KATNIP: variants seen among roughly 807,000 people sequenced by gnomAD.
KATNIP encodes the protein katanin interacting protein, also known as katanin-interacting protein.
KATNIP carries 126 observed loss-of-function variants against 174.0 expected under a neutral mutation model. The ratio of observed to expected loss-of-function variants is 0.72; its 90% CI spans 0.63 to 0.84. The LOEUF is 0.84. Among genes scored for constraint, KATNIP ranks in the 40% least tolerant of loss-of-function variants. KATNIP has a pLI of 0.00. For synonymous variants in KATNIP, 810 were observed against 835.7 expected (o/e 0.97, Z 0.53); for missense variants, 1,958 against 2,109.7 (o/e 0.93, Z 1.41).
intron 27 of KATNIP, among the ~76,000 whole-genome samples, chr16:27,778,180 C>G (rs567025712): frequency 1.3e-5 from 2 of 152,178 alleles, no homozygotes; most frequent in Non-Finnish European, 2.9e-5. Flanking sequence ...GCACCTGTAA[C>G]ACAGTGGAGC....
intron 13 of KATNIP, among the ~76,000 whole-genome samples, chr16:27,719,017 T>G (rs1426194535): frequency 1.3e-5 from 2 of 152,138 alleles, no homozygotes; most frequent in Non-Finnish European, 2.9e-5. Context: ...ACGGGGAGTC[T>G]GTTGAGATGT....
chr16:27,664,853 T>C (rs1230322973), intron 6 of KATNIP, among the ~76,000 whole-genome samples: 1 of 152,176 alleles, frequency 6.6e-6, no homozygotes, highest in African/African-American at 2.4e-5. Context: ...AAAACTTCCA[T>C]AGAAGGAGCA....
rs73517326 is a variant in KATNIP at position 27,738,952 on chromosome 16, A to C, written c.1744-1089A>C. ...CAGTGGATAAATGTCCCAGTCTTGG[A>C]GAGACATTTGCGACATGCATTTAAG... On this transcript the variant is annotated intron_variant, in intron 14 of 27. Coordinates refer to ENST00000261588, the MANE Select transcript of KATNIP (RefSeq NM_015202.5). Among the ~76,000 whole-genome samples, 1,429 of 152,252 alleles carry C rather than the reference A, an allele frequency of 9.4e-3. 22 individuals are homozygous for C. Among genetic ancestry groups the C allele is most frequent in the African/African-American group, 0.033 (1,369 of 41,532 alleles).
At chr16:27,684,637 C>G (rs1163159978) in intron 8 of KATNIP, among the ~76,000 whole-genome samples, 1 of 152,250 alleles carries the variant, frequency 6.6e-6, no homozygotes, top group African/African-American at 2.4e-5. Context: ...TCTCACAGTT[C>G]TCAAGGCTCC....
chr16:27,649,080 A>C (rs750150889), intron 6 of KATNIP, among the ~76,000 whole-genome samples: 4 of 152,214 alleles, frequency 2.6e-5, no homozygotes, highest in Admixed American at 6.5e-5. Flanking sequence ...AGAGGGAGTG[A>C]CTTTTGTCCT....
In KATNIP at chr16:27,766,399, C is replaced by A; in HGVS notation, c.3900C>A (p.Arg1300=). ...SPGLDHVVTI[R]LDRAESIAGL... ...GGCTGGACCATGTGGTCACGATCCG[C>A]CTGGACAGGGCCGAAAGCATCGCAG... The change falls in exon 20 of 28, where the codon CGC becomes CGA. Residue 1300 remains arginine (R), a synonymous_variant. Transcript: ENST00000261588. The A allele has an allele frequency of 1.2e-6, 2 of 1,614,174 alleles. No individual in the cohort carries two copies. Among genetic ancestry groups the A allele is most frequent in the Non-Finnish European group, 8.5e-7 (1 of 1,180,026 alleles).
intron 18 of KATNIP, among the ~76,000 whole-genome samples, chr16:27,760,781 C>A (rs527569009): frequency 6.6e-6 from 1 of 152,086 alleles, no homozygotes; most frequent in Admixed American, 6.5e-5. Context: ...CAAGATCACG[C>A]GATTACAGCA....
At chr16:27,762,484 C>T (rs1597399450) in intron 19 of KATNIP, among the ~76,000 whole-genome samples, 2 of 152,066 alleles carry the variant, frequency 1.3e-5, no homozygotes, top group East Asian at 3.9e-4. Flanking sequence ...ATGCAGAGGC[C>T]ACCTAGACTA....
Position 27,637,286 on chromosome 16 carries a change from G to A in KATNIP, c.408+6124G>A, listed in dbSNP as rs545253409. Among the ~76,000 whole-genome samples, 4 of 152,116 alleles carry A rather than the reference G, an allele frequency of 2.6e-5. No individual in the cohort carries two copies. Among genetic ancestry groups the A allele is most frequent in the Non-Finnish European group, 5.9e-5 (4 of 68,030 alleles). On this transcript the variant is annotated intron_variant, in intron 5 of 27. Transcript: ENST00000261588. This position sits in a 1 kb window ranked among gnomAD's most constrained non-coding sequence, Gnocchi z 4.7. The stretch of plus-strand genomic sequence containing the variant: ...ACTCATACTTTACTTCTTTCATTCC[G>A]TGCTCATGTATTGAGCACATACTCA...
At chr16:27,612,774 A>C (rs187506257) in intron 2 of KATNIP, among the ~76,000 whole-genome samples, 1 of 151,880 alleles carries the variant, frequency 6.6e-6, no homozygotes, top group African/African-American at 2.4e-5. Context: ...GAAAAAAAAA[A>C]GAAATGCAGA....
intron 6 of KATNIP, among the ~76,000 whole-genome samples, chr16:27,674,247 G>A (rs1307428907): frequency 2.0e-5 from 3 of 152,254 alleles, no homozygotes; most frequent in Admixed American, 1.3e-4. Context: ...GTAACAACTT[G>A]CTGCAAACTT....
At chr16:27,701,764 G>A in intron 11 of KATNIP, 69 bp downstream of exon 11, 1 of 1,086,604 alleles carries the variant, frequency 9.2e-7, no homozygotes, top group Non-Finnish European at 1.4e-6. Flanking sequence ...TCTTCATGAG[G>A]GTTCTTTGCT....
chr16:27,712,315 C>G (rs1170393257), intron 13 of KATNIP, among the ~76,000 whole-genome samples: 1 of 152,168 alleles, frequency 6.6e-6, no homozygotes, highest in Admixed American at 6.5e-5. Context: ...CATCCTGGGT[C>G]CCAGGCCCGG....
chr16:27,580,122 T>G (rs2090641603), intron 2 of KATNIP, among the ~76,000 whole-genome samples: 1 of 152,094 alleles, frequency 6.6e-6, no homozygotes, highest in Non-Finnish European at 1.5e-5. Context: ...CTTTTTTGTT[T>G]TTTTGTTTTA....
chr16:27,562,317 AT>A (rs1299837512), intron 1 of KATNIP, among the ~76,000 whole-genome samples: 1 of 152,170 alleles, frequency 6.6e-6, no homozygotes, highest in Non-Finnish European at 1.5e-5. Flanking sequence ...TCTCAAAAAA[AT>A]AATAATGGTG....
chr16:27,734,029 G>A (rs2080803068), intron 14 of KATNIP, among the ~76,000 whole-genome samples: 1 of 151,982 alleles, frequency 6.6e-6, no homozygotes, highest in Admixed American at 6.6e-5. Flanking sequence ...GTGGAGGTGG[G>A]GGCTGGGGTG....
rs550880019 is a variant in KATNIP at position 27,561,970 on chromosome 16, A to G, written c.7+11793A>G. Among the ~76,000 whole-genome samples the G allele has an allele frequency of 1.5e-4, 23 of 152,302 alleles. 1 individual carries two copies. The South Asian group carries it at 4.8e-3, about 32-fold the overall frequency. ...GCTTGTGTCAGTTTCCAACACCTAA[A>G]TACACATTGCATACCCAAGAATATT... On this transcript the variant is annotated intron_variant, in intron 1 of 27. Transcript: ENST00000261588.
At chr16:27,739,222 G>A (rs1322545353) in intron 14 of KATNIP, among the ~76,000 whole-genome samples, 2 of 152,142 alleles carry the variant, frequency 1.3e-5, no homozygotes, top group African/African-American at 4.8e-5. Context: ...GGGACAGCTG[G>A]CGGATTGGAT....
chr16:27,614,694 A>C (rs892012371), intron 2 of KATNIP, among the ~76,000 whole-genome samples: 1 of 152,184 alleles, frequency 6.6e-6, no homozygotes, highest in Admixed American at 6.5e-5. Context: ...ACTTAGCCAG[A>C]AGCAAAGTCC....
Sources: allele counts gnomAD v4.1 joint callset (sites outside exome capture counted in the v4.1 genomes callset), GRCh38; gene constraint gnomAD v4.1.1; non-coding constraint Gnocchi (gnomAD v3.1); transcripts MANE v1.5; gene names NCBI Gene and HGNC (gene_info 2026-07-23, HGNC 2026-07-21).